Variants in TNNT3 observed in about 807,000 individuals in gnomAD.
TNNT3 encodes the protein troponin T, fast skeletal muscle.
Under a neutral mutation model 54.2 loss-of-function variants are expected in TNNT3, and 36 were observed. That is an observed-to-expected ratio of 0.66 (90% CI 0.51 to 0.88). The LOEUF (loss-of-function observed/expected upper bound fraction) is 0.88, where lower values mean the gene tolerates loss of function less well. Among genes scored for constraint, TNNT3 ranks in the 40% least tolerant of loss-of-function variants. TNNT3 has a pLI of 0.00. For synonymous variants in TNNT3, 120 were observed against 109.7 expected, an observed-to-expected ratio of 1.09 and a Z score of -0.59; for missense variants, 291 against 331.6, an observed-to-expected ratio of 0.88 and a Z score of 0.95.
Position 1,934,017 on chromosome 11 carries a change from A to G in TNNT3, c.366+9A>G, listed in dbSNP as rs368884235. The G allele has an allele frequency of 2.7e-5, 43 of 1,609,860 alleles. No individual in the cohort carries two copies. Among genetic ancestry groups the G allele is most frequent in the Non-Finnish European group, 3.6e-5 (43 of 1,178,716 alleles). On this transcript the variant is annotated intron_variant, in intron 11 of 15. Transcript: ENST00000278317. ...GCCAGAACAGACTGGCGGTGAGGGC[A>G]CCATCCGCACTGCTGCCTCATCAGA... is the stretch of plus-strand genomic sequence containing the variant.
chr11:1,929,892 GT>G, intron 8 of TNNT3, 64 bp downstream of exon 8: 1 of 1,537,266 alleles, frequency 6.5e-7, no homozygotes, highest in Non-Finnish European at 8.8e-7. Context: ...GGTCAAGTGA[GT>G]GTGGGGTCCT....
At position 1,934,887 on chromosome 11, in the gene TNNT3, T is replaced by A; in HGVS notation, c.649T>A (p.Phe217Ile). ...CCAGCTGGAGATTGACAAGTTCGAG[T>A]TTGGGGAGAAGCTGAAACGCCAGAA... ...LHQLEIDKFE[F>I]GEKLKRQKYD... Residue 217 changes from phenylalanine to isoleucine, a missense_variant, in exon 14 of 16, where the codon TTT (phenylalanine) becomes ATT (isoleucine). Physicochemically the swap from Phe to Ile is conservative, Grantham distance 21. Coordinates refer to ENST00000278317, the MANE Select transcript of TNNT3 (RefSeq NM_006757.4). 6.2e-7 allele frequency: 1 copy of A among 1,613,464 alleles called. No individual in the cohort carries two copies. The highest frequency in any genetic ancestry group is 2.2e-5 in the East Asian group (1 of 44,876).
intron 1 of TNNT3, among the ~76,000 whole-genome samples, chr11:1,921,074 G>A (rs527327303): frequency 6.9e-4 from 105 of 152,326 alleles, no homozygotes; most frequent in African/African-American, 2.5e-3. Flanking sequence ...TGAGGAGCTG[G>A]GGAGGGCCTG....
intron 15 of TNNT3, 70 bp downstream of exon 15, chr11:1,937,073 C>A: frequency 1.3e-6 from 2 of 1,499,096 alleles, no homozygotes; most frequent in Non-Finnish European, 1.8e-6. Context: ...TGTAGCCAGT[C>A]CCTAACAAGG....
chr11:1,922,565 G>A (rs924749757), intron 1 of TNNT3, among the ~76,000 whole-genome samples: 1 of 152,202 alleles, frequency 6.6e-6, no homozygotes, highest in Non-Finnish European at 1.5e-5. Context: ...GGGGGTGGAC[G>A]CCACGACCTT....
intron 1 of TNNT3, among the ~76,000 whole-genome samples, chr11:1,921,809 G>A (rs761747292): frequency 1.4e-4 from 22 of 152,220 alleles, no homozygotes; most frequent in Non-Finnish European, 2.5e-4. Flanking sequence ...GTGTTGTAAT[G>A]AACTTTGTTT....
intron 15 of TNNT3, 60 bp downstream of exon 15, chr11:1,937,063 T>C (rs1855327040): frequency 6.5e-7 from 1 of 1,528,966 alleles, no homozygotes; most frequent in East Asian, 2.4e-5. Flanking sequence ...GGCCAGCCGC[T>C]GTAGCCAGTC....
At chr11:1,920,384 T>C (rs894261227) in intron 1 of TNNT3, among the ~76,000 whole-genome samples, 2 of 151,990 alleles carry the variant, frequency 1.3e-5, no homozygotes, top group Non-Finnish European at 2.9e-5. Context: ...GGGGCTGGAC[T>C]GGGGCAGGAC....
intron 1 of TNNT3, 117 bp from the exon 2 acceptor site, chr11:1,922,740 C>A (rs1307312964): frequency 9.8e-7 from 1 of 1,020,560 alleles, no homozygotes; most frequent in Non-Finnish European, 1.5e-6. Context: ...CCCCCAAACC[C>A]TGCCCGCGGT....
chr11:1,934,867 T>C lies in TNNT3; in HGVS notation c.629T>C (p.Leu210Pro), dbSNP rs759196589. Reference sequence around the variant, plus strand: ...GAGCTCTGGGAGACCCTGCACCAGCTGGAGATTGACAAGTTCGAGTTTGGG... The same window carrying C: ...GAGCTCTGGGAGACCCTGCACCAGCCGGAGATTGACAAGTTCGAGTTTGGG... ...AKELWETLHQLEIDKFEFGEK... is the reference protein window; with the variant it reads ...AKELWETLHQPEIDKFEFGEK... Residue 210 changes from leucine to proline, a missense_variant, in exon 14 of 16, where the codon CTG becomes CCG. Transcript: ENST00000278317. The C allele has an allele frequency of 6.2e-7, 1 of 1,613,630 alleles. No individual in the cohort carries two copies. The highest frequency in any genetic ancestry group is 8.5e-7 in the Non-Finnish European group (1 of 1,180,008).
intron 14 of TNNT3, chr11:1,936,259 G>A (rs963032963): frequency 6.2e-7 from 1 of 1,613,828 alleles, no homozygotes; most frequent in African/African-American, 1.3e-5. Flanking sequence ...CAAGTTGTAA[G>A]TAGCCGGGTC....
At position 1,926,879 on chromosome 11, in the gene TNNT3, G is replaced by A. The variant is rs374622355; in HGVS notation, c.82+170G>A. The stretch of plus-strand genomic sequence containing the variant: ...GACCCTGGCTTGGGAAGGGCTGGCC[G>A]GTACAGTGCAGGCTTCCTCTGTGTC... On this transcript the variant is annotated intron_variant, in intron 6 of 15. Transcript: ENST00000278317. 2.2e-4 allele frequency among the ~76,000 whole-genome samples: 33 copies of A among 152,308 alleles called. No homozygotes were observed. In the South Asian group the frequency reaches 6.2e-3, roughly 29 times the overall value.
chr11:1,936,828 C>G, intron 14 of TNNT3, 135 bp from the exon 15 acceptor site: 1 of 863,464 alleles, frequency 1.2e-6, no homozygotes, highest in Non-Finnish European at 1.9e-6. Context: ...GTAAGGGAGC[C>G]GAGGAGCCCT....
In TNNT3 at chr11:1,937,791, T is replaced by C. The variant is rs369556036; in HGVS notation, c.723-647T>C. Among the ~76,000 whole-genome samples, 49 of 152,298 alleles carry C rather than the reference T, an allele frequency of 3.2e-4. 1 individual carries two copies. The Middle Eastern group carries it at 0.014, about 42-fold the overall frequency. On this transcript the variant is annotated intron_variant, in intron 15 of 15. Coordinates refer to ENST00000278317, the MANE Select transcript of TNNT3 (RefSeq NM_006757.4). ...CTCCCTGTTGTGCCGTCAGGGGTCA[T>C]TGCAGACCCCTCTGAGGGTGGGCAG...
chr11:1,936,653 G>T (rs1329574297), intron 14 of TNNT3, among the ~76,000 whole-genome samples: 1 of 152,188 alleles, frequency 6.6e-6, no homozygotes, highest in Non-Finnish European at 1.5e-5. Flanking sequence ...CCCCATCCGT[G>T]CTCCGTACCC....
chr11:1,924,188 C>A (rs1045117102), intron 4 of TNNT3, among the ~76,000 whole-genome samples: 3 of 152,194 alleles, frequency 2.0e-5, no homozygotes, highest in African/African-American at 7.2e-5. Context: ...ATCTCCATCT[C>A]TGTCTCTCTG....
chr11:1,937,729 A>G (rs1855543378), intron 15 of TNNT3, among the ~76,000 whole-genome samples: 1 of 152,154 alleles, frequency 6.6e-6, no homozygotes, highest in Non-Finnish European at 1.5e-5. Flanking sequence ...TGCGGCGCCC[A>G]GGGCGGGCTC....
At chr11:1,924,968 G>A (rs550465848) in intron 4 of TNNT3, 131 bp from the exon 5 acceptor site, 7 of 994,208 alleles carry the variant, frequency 7.0e-6, no homozygotes, top group Admixed American at 1.9e-5. Flanking sequence ...CCTGCCAAGC[G>A]AGCCCCAGGC....
At chr11:1,924,884 G>A (rs1461204534) in intron 4 of TNNT3, 3 of 659,734 alleles carry the variant, frequency 4.5e-6, no homozygotes, top group Non-Finnish European at 8.3e-6. Flanking sequence ...AGCTGACAGT[G>A]ACCAGCTCTG....
Sources: allele counts gnomAD v4.1 joint callset (sites outside exome capture counted in the v4.1 genomes callset), GRCh38; gene constraint gnomAD v4.1.1; transcripts MANE v1.5; gene names NCBI Gene and HGNC (gene_info 2026-07-23, HGNC 2026-07-21).